The following MRTFB variants were observed in gnomAD, a reference collection of about 807,000 sequenced individuals.
MRTFB encodes myocardin related transcription factor B, also known as myocardin-related transcription factor B.
A neutral mutation model predicts 104.2 loss-of-function variants in MRTFB; 29 were observed. The ratio of observed to expected loss-of-function variants is 0.28; its 90% CI spans 0.21 to 0.38. The LOEUF (loss-of-function observed/expected upper bound fraction) is 0.38. Among genes scored for constraint, MRTFB ranks in the 10% least tolerant of loss-of-function variants. The pLI is 1.00. For missense variants in MRTFB, 1,270 were observed against 1,341.6 expected (o/e 0.95, Z 0.83); for synonymous variants, 535 against 519.5 (o/e 1.03, Z -0.41).
the MRTFB span, among the ~76,000 whole-genome samples, chr16:14,034,657 T>A: frequency 6.6e-6 from 1 of 152,136 alleles, no homozygotes; most frequent in Admixed American, 6.5e-5. Flanking sequence ...CCCTGTGTCT[T>A]TACATTGTCC....
intron 1 of MRTFB, among the ~76,000 whole-genome samples, chr16:14,074,251 T>A (rs2033904623): frequency 6.6e-6 from 1 of 152,158 alleles, no homozygotes; most frequent in South Asian, 2.1e-4. Context: ...TTTATCCAAA[T>A]TGAGAGTAAT....
the MRTFB span, among the ~76,000 whole-genome samples, chr16:14,029,622 T>C: frequency 6.6e-6 from 1 of 151,754 alleles, no homozygotes; most frequent in Admixed American, 6.6e-5. Context: ...ATGGCAGGGA[T>C]ATTGTGACCA....
chr16:14,244,218 T>C (rs996739681), intron 10 of MRTFB, among the ~76,000 whole-genome samples: 2 of 152,192 alleles, frequency 1.3e-5, no homozygotes, highest in South Asian at 2.1e-4. Context: ...TTGGTGCTGA[T>C]AGCAGTTCAT....
intron 8 of MRTFB, among the ~76,000 whole-genome samples, chr16:14,229,676 T>C (rs1390924350): frequency 1.3e-5 from 2 of 152,176 alleles, no homozygotes; most frequent in South Asian, 2.1e-4. Context: ...TTTTTTTATA[T>C]TGTAGCAAAG....
intron 2 of MRTFB, among the ~76,000 whole-genome samples, chr16:14,087,167 C>A (rs943757941): frequency 1.3e-5 from 2 of 152,182 alleles, no homozygotes; most frequent in African/African-American, 4.8e-5. Flanking sequence ...TCTGTAGTAT[C>A]TGCAGCTGAA....
intron 9 of MRTFB, among the ~76,000 whole-genome samples, chr16:14,239,770 A>AAGATAGTTTATAT (rs1387501527): frequency 5.9e-5 from 9 of 152,198 alleles, no homozygotes; most frequent in Non-Finnish European, 1.5e-5. Flanking sequence ...ATATTGCTTA[A>AAGATAGTTTATAT]AGATAGTTTA....
At chr16:14,067,035 A>T (rs2033533121), upstream of MRTFB, among the ~76,000 whole-genome samples, 2 of 151,888 alleles carry the variant, frequency 1.3e-5, no homozygotes. Context: ...TGTTATGCCC[A>T]CCCCTTCCCC....
At chr16:14,193,475 C>T (rs2040287051) in intron 3 of MRTFB, among the ~76,000 whole-genome samples, 2 of 152,244 alleles carry the variant, frequency 1.3e-5, no homozygotes, top group Non-Finnish European at 1.5e-5. Context: ...CTTCAGATGT[C>T]GCCTTCTCAC....
intron 3 of MRTFB, among the ~76,000 whole-genome samples, chr16:14,156,509 T>C (rs1665623812): frequency 6.6e-6 from 1 of 152,202 alleles, no homozygotes; most frequent in African/African-American, 2.4e-5. Flanking sequence ...GCTTTTCACT[T>C]TTGCTGTTGA....
intron 3 of MRTFB, among the ~76,000 whole-genome samples, chr16:14,194,458 G>C (rs1340739077): frequency 2.0e-5 from 3 of 152,176 alleles, no homozygotes; most frequent in African/African-American, 4.8e-5. Flanking sequence ...CCTCCGAAAG[G>C]CCCTTTTTCC....
intron 3 of MRTFB, among the ~76,000 whole-genome samples, chr16:14,163,923 T>C (rs923189482): frequency 3.3e-5 from 5 of 152,316 alleles, no homozygotes; most frequent in African/African-American, 1.2e-4. Flanking sequence ...ATACCTTTTT[T>C]GATACATAAT....
chr16:14,099,860 A>T (rs1249546129), intron 2 of MRTFB, among the ~76,000 whole-genome samples: 2 of 151,574 alleles, frequency 1.3e-5, no homozygotes, highest in African/African-American at 4.8e-5. Context: ...TAGAGATGGG[A>T]TTTCACTGTG....
At chr16:14,243,710 T>C (rs1415623773) in intron 10 of MRTFB, among the ~76,000 whole-genome samples, 1 of 152,136 alleles carries the variant, frequency 6.6e-6, no homozygotes, top group African/African-American at 2.4e-5. Context: ...GAAAAGTACG[T>C]AAATTATAAG....
intron 3 of MRTFB, among the ~76,000 whole-genome samples, chr16:14,198,588 C>T (rs944089688): frequency 1.3e-5 from 2 of 152,244 alleles, no homozygotes; most frequent in Non-Finnish European, 2.9e-5. Flanking sequence ...AACCATGTTT[C>T]TCTTCTTGAC....
chr16:14,230,401 C>T (rs1184670528), intron 8 of MRTFB, among the ~76,000 whole-genome samples: 1 of 151,560 alleles, frequency 6.6e-6, no homozygotes, highest in African/African-American at 2.4e-5. Context: ...AGGGCTAATA[C>T]CCAGAATCTG....
rs375491883 is a variant in MRTFB, at chr16:14,107,111, C to CAGTA, written c.-64+27759_-64+27762dup. 6.0e-3 allele frequency among the ~76,000 whole-genome samples: 914 copies of CAGTA among 152,236 alleles called. 10 individuals carry two copies. Among genetic ancestry groups the CAGTA allele is most frequent in the African/African-American group, 0.021 (854 of 41,530 alleles). ...CTTAGCTGGGTATGGTGGCACATGC[C>CAGTA]AGTAATCTCAGCTACTCGTGCGGCT... On this transcript the variant is annotated intron_variant, in intron 2 of 16. Coordinates refer to ENST00000571589, the MANE Select transcript of MRTFB (RefSeq NM_001308142.2).
At chr16:14,089,586 A>G (rs1008867770) in intron 2 of MRTFB, among the ~76,000 whole-genome samples, 5 of 152,216 alleles carry the variant, frequency 3.3e-5, no homozygotes, top group Non-Finnish European at 5.9e-5. Context: ...ACTGCTGTGA[A>G]CATTTGCATA....
chr16:14,192,158 GCC>G (rs1322549979), intron 3 of MRTFB, among the ~76,000 whole-genome samples: 9 of 151,272 alleles, frequency 5.9e-5, no homozygotes, highest in African/African-American at 2.2e-4. Context: ...GATCACTTGA[GCC>G]CAGGAGTTTA....
the MRTFB span, among the ~76,000 whole-genome samples, chr16:14,061,008 T>G: frequency 6.6e-6 from 1 of 151,986 alleles, no homozygotes; most frequent in Non-Finnish European, 1.5e-5. Context: ...TAGCCAGGTG[T>G]GGTGGTGGGA....
Sources: allele counts gnomAD v4.1 joint callset (sites outside exome capture counted in the v4.1 genomes callset), GRCh38; gene constraint gnomAD v4.1.1; transcripts MANE v1.5; gene names NCBI Gene and HGNC (gene_info 2026-07-23, HGNC 2026-07-21).